The following PRKG1 variants were observed in gnomAD, a reference collection of about 807,000 sequenced individuals.
The protein encoded by PRKG1 is protein kinase cGMP-dependent 1.
PRKG1 carries 35 observed loss-of-function variants against 88.1 expected under a neutral mutation model. That is an observed-to-expected ratio of 0.40 (90% CI 0.30 to 0.53). The LOEUF (loss-of-function observed/expected upper bound fraction) is 0.53, where lower values mean the gene tolerates loss of function less well. Ranked by LOEUF, PRKG1 falls within the 20% of genes least tolerant of loss-of-function variation. The pLI, the probability that PRKG1 is intolerant of heterozygous loss-of-function variation, is 0.59. For missense variants in PRKG1, 540 were observed against 839.8 expected, an observed-to-expected ratio of 0.64 and a Z score of 4.41; for synonymous variants, 303 against 292.5, an observed-to-expected ratio of 1.04 and a Z score of -0.37.
chr10:51,453,516 T>C (rs1259278862), intron 2 of PRKG1, among the ~76,000 whole-genome samples: 1 of 152,046 alleles, frequency 6.6e-6, no homozygotes, highest in East Asian at 1.9e-4. Context: ...TTGTGTACTA[T>C]TATCATTCAG....
chr10:51,505,659 G>T (rs1409150692), intron 3 of PRKG1, among the ~76,000 whole-genome samples: 11 of 152,010 alleles, frequency 7.2e-5, no homozygotes, highest in Non-Finnish European at 1.3e-4. Flanking sequence ...GCCTGTTATT[G>T]GTCTATTCAG....
At chr10:51,393,970 A>G (rs1049954412) in intron 2 of PRKG1, among the ~76,000 whole-genome samples, 1 of 152,208 alleles carries the variant, frequency 6.6e-6, no homozygotes, top group African/African-American at 2.4e-5. Flanking sequence ...ATAAATTAAT[A>G]TATGAAGAAA....
chr10:51,544,297 C>A (rs1359124769), intron 3 of PRKG1, among the ~76,000 whole-genome samples: 1 of 148,208 alleles, frequency 6.7e-6, no homozygotes, highest in Non-Finnish European at 1.5e-5. Flanking sequence ...TGAGTGAGAA[C>A]ATGCGGTGTT....
intron 7 of PRKG1, among the ~76,000 whole-genome samples, chr10:52,077,031 C>T (rs1467960372): frequency 6.6e-6 from 1 of 151,528 alleles, no homozygotes; most frequent in East Asian, 1.9e-4. Context: ...TATTACCTAC[C>T]ATCTGACCCA....
At chr10:52,238,999 T>G (rs1431706609) in intron 9 of PRKG1, among the ~76,000 whole-genome samples, 62 of 106,994 alleles carry the variant, frequency 5.8e-4, no homozygotes, top group African/African-American at 1.6e-3. Context: ...CCATAAAAAA[T>G]GATGAGTTCA....
At chr10:51,407,921 T>C (rs1450649352) in intron 2 of PRKG1, among the ~76,000 whole-genome samples, 3 of 152,148 alleles carry the variant, frequency 2.0e-5, no homozygotes, top group Admixed American at 2.0e-4. Flanking sequence ...GACTTAAAGG[T>C]AGGAGGAGCC....
chr10:51,497,733 A>G (rs1840900948), intron 3 of PRKG1, among the ~76,000 whole-genome samples: 1 of 152,172 alleles, frequency 6.6e-6, no homozygotes, highest in Non-Finnish European at 1.5e-5. Context: ...CTCTGCAGAA[A>G]TGTTGATTTA....
intron 5 of PRKG1, among the ~76,000 whole-genome samples, chr10:52,014,026 C>T (rs1564429511): frequency 6.6e-6 from 1 of 151,906 alleles, no homozygotes; most frequent in Admixed American, 6.6e-5. Context: ...AGAGAGGAAT[C>T]CAGATAGAAT....
intron 3 of PRKG1, among the ~76,000 whole-genome samples, chr10:51,639,436 CAAAAAAAAAAAAAAAAAAAAAAAAAAAAA>C (rs769304908): frequency 6.3e-5 from 2 of 31,796 alleles, no homozygotes; most frequent in South Asian, 1.7e-3. Context: ...GACTCCATCT[CAAAAAAAAAAAAAAAAAAAAAAAAAAAAA>C]AAAAAAAAAA....
chr10:52,022,230 A>G (rs1845204130), intron 5 of PRKG1, among the ~76,000 whole-genome samples: 1 of 152,208 alleles, frequency 6.6e-6, no homozygotes, highest in Admixed American at 6.5e-5. Context: ...AGGCTAAGTT[A>G]TGATGCTTGG....
intron 3 of PRKG1, among the ~76,000 whole-genome samples, chr10:51,616,695 A>G (rs1446536112): frequency 1.3e-5 from 2 of 152,100 alleles, no homozygotes; most frequent in African/African-American, 4.8e-5. Context: ...GTTACCAGCT[A>G]TGCTAGGCAG....
chr10:51,203,166 C>G (rs1051781750), intron 2 of PRKG1, among the ~76,000 whole-genome samples: 1 of 152,006 alleles, frequency 6.6e-6, no homozygotes, highest in Non-Finnish European at 1.5e-5. Flanking sequence ...TAATGCCTTC[C>G]CCAAAGTGGA....
At chr10:51,737,352 T>G (rs1215482146) in intron 3 of PRKG1, among the ~76,000 whole-genome samples, 4 of 152,232 alleles carry the variant, frequency 2.6e-5, no homozygotes. Flanking sequence ...TGCTTCTTCT[T>G]GTTCTTTCAA....
chr10:51,914,259 G>C (rs1031568242), intron 5 of PRKG1, among the ~76,000 whole-genome samples: 3 of 146,164 alleles, frequency 2.1e-5, no homozygotes, highest in East Asian at 2.0e-4. Flanking sequence ...TTGAGGCTAT[G>C]ATGACATCTT....
At chr10:51,829,500 G>C (rs1192345767) in intron 4 of PRKG1, among the ~76,000 whole-genome samples, 1 of 152,076 alleles carries the variant, frequency 6.6e-6, no homozygotes, top group Non-Finnish European at 1.5e-5. Flanking sequence ...ACAGCAATAA[G>C]GAAAATTTGA....
At chr10:51,218,261 A>G (rs1838422903) in intron 2 of PRKG1, among the ~76,000 whole-genome samples, 1 of 151,886 alleles carries the variant, frequency 6.6e-6, no homozygotes, top group African/African-American at 2.4e-5. Context: ...TGTAACAAAA[A>G]CGTTGCTCTA....
intron 9 of PRKG1, among the ~76,000 whole-genome samples, chr10:52,197,673 A>G (rs1028987259): frequency 5.9e-5 from 9 of 152,178 alleles, no homozygotes; most frequent in African/African-American, 1.2e-4. Flanking sequence ...TACTTCACTT[A>G]CACAACTTCA....
chr10:51,600,920 TTG>T (rs1491110953), intron 3 of PRKG1, among the ~76,000 whole-genome samples: 4 of 150,638 alleles, frequency 2.7e-5, no homozygotes, highest in African/African-American at 9.8e-5. Flanking sequence ...TAGTTCATTT[TTG>T]AGAGAGAGAG....
At position 51,646,943 on chromosome 10, in the gene PRKG1, G is replaced by C. The variant is rs1012841952; in HGVS notation, c.593-157642G>C. On this transcript the variant is annotated intron_variant, in intron 3 of 17. Transcript: ENST00000373980. ...TCTTCTACTAGAAGCTCATTCCTTG[G>C]TGTTAATATTTTCCCTTTTTACAGA... 1.3e-4 allele frequency among the ~76,000 whole-genome samples: 20 copies of C among 151,852 alleles called. No individual in the cohort carries two copies. In the Middle Eastern group the frequency reaches 0.01, roughly 78 times the overall value.
Sources: gnomAD v4.1 joint callset for allele counts (sites outside exome capture counted in the v4.1 genomes callset) on GRCh38, gnomAD v4.1.1 for gene constraint, MANE v1.5 for transcripts, NCBI Gene and HGNC (gene_info 2026-07-23, HGNC 2026-07-21) for gene names.